KRT76: variants seen among roughly 807,000 people sequenced by gnomAD.
KRT76 encodes keratin, type II cytoskeletal 2 oral.
Under a neutral mutation model 44.9 loss-of-function variants are expected in KRT76, and 47 were observed. The ratio of observed to expected loss-of-function variants is 1.05; its 90% confidence interval spans 0.83 to 1.33. The LOEUF (loss-of-function observed/expected upper bound fraction) is 1.33, where lower values mean the gene tolerates loss of function less well. Among genes scored for constraint, KRT76 ranks in the 40% most tolerant of loss-of-function variants. The pLI is 0.00. For missense variants in KRT76, 860 were observed against 775.8 expected (o/e 1.11, Z -1.29); for synonymous variants, 331 against 294.1 (o/e 1.13, Z -1.28).
intron 2 of KRT76, among the ~76,000 whole-genome samples, chr12:52,774,439 TA>T (rs1423970408): frequency 1.3e-5 from 2 of 152,234 alleles, no homozygotes; most frequent in African/African-American, 4.8e-5. Flanking sequence ...AGTTACTTCT[TA>T]TAGGAATTTC....
At chr12:52,773,687 G>A (rs756885771) in intron 2 of KRT76, 45 bp from the exon 3 acceptor site, 13 of 1,546,630 alleles carry the variant, frequency 8.4e-6, no homozygotes, top group Non-Finnish European at 1.2e-5. Context: ...CATTTCAGAA[G>A]TAAAAAAGAG....
At chr12:52,776,670 C>T in intron 1 of KRT76, 22 bp downstream of exon 1, 1 of 1,613,764 alleles carries the variant, frequency 6.2e-7, no homozygotes, top group Non-Finnish European at 8.5e-7. Flanking sequence ...CCCTCCACAG[C>T]ACCTCTTGGC....
At position 52,777,188 on chromosome 12, in the gene KRT76, C is replaced by T. The variant is rs372830011; in HGVS notation, c.104G>A (p.Arg35His). The T allele has an allele frequency of 2.5e-5, 40 of 1,614,088 alleles. No individual in the cohort carries two copies. The East Asian group carries it at 4.7e-4, about 19-fold the overall frequency. Residue 35 changes from arginine to histidine, a missense_variant, in exon 1 of 9, where the codon CGC becomes CAC. Coordinates refer to ENST00000332411, the MANE Select transcript of KRT76 (RefSeq NM_015848.4). ...GGCCCCTCCACCAGCTCCCCCAGAG[C>T]GGGCCACACAGCTCATCCTGCTGCT... ...SGSSRMSCVA[R>H]SGGAGGGACG...
rs1939196698 is a variant in KRT76 at position 52,772,225 on chromosome 12, T to C, written c.1006A>G (p.Thr336Ala). 2 of 1,609,116 alleles carry C rather than the reference T, an allele frequency of 1.2e-6. No homozygotes were observed. The highest frequency in any genetic ancestry group is 8.5e-7 in the Non-Finnish European group (1 of 1,177,518). Residue 336 changes from threonine (T) to alanine (A), a missense_variant, in exon 5 of 9, where the codon ACG (threonine) becomes GCG (alanine). By Grantham distance (58) the Thr-to-Ala change is moderately conservative (BLOSUM62 0). Transcript: ENST00000332411. ...TTGTCCATGGACAGAACCACAGACG[T>C]GTCACTGGCATGGCTTTGCATCTGG... ...LSQMQSHASD[T>A]SVVLSMDNNR...
Position 52,777,337 on chromosome 12 carries a change from G to T in KRT76, c.-46C>A. On this transcript the variant is annotated 5_prime_UTR_variant, in exon 1 of 9. Coordinates refer to ENST00000332411, the MANE Select transcript of KRT76 (RefSeq NM_015848.4). Reference sequence around the variant, plus strand: ...AGCTAGTGATCACTTAGCAAGAGCTGAGAGGGATAGGGACAAGAGAGGAGA... The same window carrying T: ...AGCTAGTGATCACTTAGCAAGAGCTTAGAGGGATAGGGACAAGAGAGGAGA... 1.2e-6 allele frequency: 2 copies of T among 1,610,122 alleles called. No homozygotes were observed. Among genetic ancestry groups the T allele is most frequent in the Non-Finnish European group, 1.7e-6 (2 of 1,178,242 alleles).
intron 3 of KRT76, among the ~76,000 whole-genome samples, chr12:52,773,105 A>G (rs556414690): frequency 6.6e-6 from 1 of 152,366 alleles, no homozygotes; most frequent in Non-Finnish European, 1.5e-5. Flanking sequence ...CATAAGGCAC[A>G]GAGTAACCAT....
intron 3 of KRT76, among the ~76,000 whole-genome samples, chr12:52,773,258 A>G (rs764669193): frequency 6.6e-6 from 1 of 152,140 alleles, no homozygotes. Flanking sequence ...ATATGCTACA[A>G]GTATTTGTTG....
chr12:52,775,582 C>T lies in KRT76; in HGVS notation c.621G>A (p.Gln207=), dbSNP rs761615359. ...FIDKVRFLEQ[Q]NKVLETKWEL... ...CCCACTTGGTCTCCAGGACCTTGTTCTGCTGTTCCAGGAACCGCACCTGCA... is the reference window on the plus strand; with the variant it reads ...CCCACTTGGTCTCCAGGACCTTGTTTTGCTGTTCCAGGAACCGCACCTGCA... Residue 207 remains glutamine, a synonymous_variant, in exon 2 of 9, where the codon CAG becomes CAA. Transcript: ENST00000332411. 6.2e-6 allele frequency: 10 copies of T among 1,613,622 alleles called. No homozygotes were observed. The South Asian group carries it at 8.8e-5, about 14-fold the overall frequency.
intron 7 of KRT76, 62 bp downstream of exon 7, chr12:52,770,937 C>A: frequency 6.2e-7 from 1 of 1,604,722 alleles, no homozygotes; most frequent in Admixed American, 1.7e-5. Context: ...TGCCCCCTTT[C>A]CACATTATCA....
intron 4 of KRT76, 47 bp from the exon 5 acceptor site, chr12:52,772,305 G>T (rs530575354): frequency 1.3e-6 from 2 of 1,536,408 alleles, no homozygotes; most frequent in Non-Finnish European, 1.8e-6. Context: ...TGGACCAGGG[G>T]ATGCTGGGAA....
Position 52,776,814 on chromosome 12 carries a change from C to T in KRT76, c.478G>A (p.Val160Ile), listed in dbSNP as rs61730599. 7.8e-3 allele frequency: 12,622 copies of T among 1,614,030 alleles called. 705 individuals carry two copies. In the African/African-American group the frequency reaches 0.14, roughly 17 times the overall value. ...AGGGGCTGCAGGAGACTCTGGTTTA[C>T]AATCACTTCCTGAATTCCCCCAGGA... ...GFPGGIQEVI[V>I]NQSLLQPLNV... The change falls in exon 1 of 9, where the codon GTA becomes ATA. Residue 160 changes from valine (V) to isoleucine (I), a missense_variant. By Grantham distance (29) the Val-to-Ile change is conservative. Transcript: ENST00000332411.
chr12:52,772,504 T>C (rs921252953), intron 4 of KRT76, among the ~76,000 whole-genome samples: 9 of 152,230 alleles, frequency 5.9e-5, no homozygotes, highest in African/African-American at 2.2e-4. Context: ...ATTGTGTAAG[T>C]TTCCATGGGC....
chr12:52,773,010 C>A, intron 3 of KRT76, 132 bp from the exon 4 acceptor site: 1 of 627,180 alleles, frequency 1.6e-6, no homozygotes, highest in East Asian at 2.7e-5. Flanking sequence ...CTCATCTTCC[C>A]TTTTAAAATA....
intron 6 of KRT76, 23 bp downstream of exon 6, chr12:52,771,848 C>G: frequency 6.2e-7 from 1 of 1,608,484 alleles, no homozygotes; most frequent in Non-Finnish European, 8.5e-7. Flanking sequence ...CCTCTGGGAT[C>G]TCTCCGTTAA....
In KRT76 at chr12:52,775,565, G is replaced by T; in HGVS notation, c.638C>A (p.Thr213Asn). 1 of 1,613,894 alleles carries T rather than the reference G, an allele frequency of 6.2e-7. No homozygotes were observed. Among genetic ancestry groups the T allele is most frequent in the Non-Finnish European group, 8.5e-7 (1 of 1,180,038 alleles). Residue 213 changes from threonine (T) to asparagine (N), a missense_variant, in exon 2 of 9, where the codon ACC becomes AAC. By Grantham distance (65) the Thr-to-Asn change is moderately conservative (BLOSUM62 0). Transcript: ENST00000332411. ...FLEQQNKVLE[T>N]KWELLQQQTT... ...CTGCTGCTGGAGCAGTTCCCACTTG[G>T]TCTCCAGGACCTTGTTCTGCTGTTC...
chr12:52,772,545 C>CAACTATG (rs1039887736), intron 4 of KRT76, among the ~76,000 whole-genome samples: 1 of 152,092 alleles, frequency 6.6e-6, no homozygotes, highest in African/African-American at 2.4e-5. Context: ...ATGAAGAAGC[C>CAACTATG]AACTATGACA....
rs58333024 is a variant in KRT76 at position 52,770,713 on chromosome 12, C to T, written c.1484+286G>A. On this transcript the variant is annotated intron_variant, in intron 7 of 8. Coordinates refer to ENST00000332411, the MANE Select transcript of KRT76 (RefSeq NM_015848.4). ...CATCTCAAAAAGTTCCAGTGGACAG[C>T]ACTGGTCTATCACTTGTCATAATGC... Among the ~76,000 whole-genome samples the T allele has an allele frequency of 4.7e-3, 713 of 152,246 alleles. 8 individuals carry two copies. The highest frequency in any genetic ancestry group is 0.017 in the African/African-American group (690 of 41,532).
intron 6 of KRT76, among the ~76,000 whole-genome samples, chr12:52,771,497 A>G (rs1939181072): frequency 6.6e-6 from 1 of 152,034 alleles, no homozygotes; most frequent in African/African-American, 2.4e-5. Flanking sequence ...TTTTTGCAAG[A>G]CTGTTAAAAA....
chr12:52,773,536 A>T, intron 3 of KRT76, 46 bp downstream of exon 3: 6 of 1,471,018 alleles, frequency 4.1e-6, no homozygotes, highest in East Asian at 2.3e-5. Flanking sequence ...CCATGGGGGC[A>T]GCTCCCAGAA....
Sources: allele counts gnomAD v4.1 joint callset (sites outside exome capture counted in the v4.1 genomes callset), GRCh38; gene constraint gnomAD v4.1.1; transcripts MANE v1.5; gene names NCBI Gene and HGNC (gene_info 2026-07-23, HGNC 2026-07-21).